Variants in COL27A1 observed in about 807,000 individuals in gnomAD.
COL27A1 encodes the protein collagen type XXVII alpha 1 chain, also known as collagen alpha-1(XXVII) chain.
In COL27A1, 106 loss-of-function variants were observed where a neutral mutation model predicts 251.3. The ratio of observed to expected loss-of-function variants is 0.42; its 90% CI spans 0.36 to 0.50. COL27A1 has a LOEUF of 0.50. Ranked by LOEUF, COL27A1 falls within the 20% of genes least tolerant of loss-of-function variation. COL27A1 has a pLI of 0.00. For missense variants in COL27A1, 2,325 were observed against 2,522.8 expected (o/e 0.92, Z 1.68); for synonymous variants, 1,000 against 986.3 (o/e 1.01, Z -0.26).
chr9:114,277,401 G>C (rs1484964354), intron 37 of COL27A1, among the ~76,000 whole-genome samples: 1 of 152,186 alleles, frequency 6.6e-6, no homozygotes, highest in Non-Finnish European at 1.5e-5. Context: ...CTCAAGCGGA[G>C]AGACTGACGT....
At chr9:114,259,627 A>G (rs1283465803) in intron 28 of COL27A1, among the ~76,000 whole-genome samples, 1 of 152,208 alleles carries the variant, frequency 6.6e-6, no homozygotes, top group East Asian at 1.9e-4. Context: ...TTGCACAGCT[A>G]AAAAGTGGCA....
chr9:114,235,421 C>G (rs540235852), intron 16 of COL27A1, among the ~76,000 whole-genome samples, 178 bp from the exon 17 acceptor site: 5 of 152,208 alleles, frequency 3.3e-5, no homozygotes, highest in Non-Finnish European at 5.9e-5. Flanking sequence ...GCTCACCCCC[C>G]GCCACCGCCT....
chr9:114,207,772 T>A (rs988357886), intron 10 of COL27A1, among the ~76,000 whole-genome samples: 14 of 152,370 alleles, frequency 9.2e-5, no homozygotes, highest in African/African-American at 3.1e-4. Context: ...ATTAGCTAGC[T>A]GTGGGAGCTT....
At position 114,211,008 on chromosome 9, in the gene COL27A1, G is replaced by A; in HGVS notation, c.2349G>A (p.Arg783=). The A allele has an allele frequency of 6.2e-7, 1 of 1,614,228 alleles. No individual in the cohort carries two copies. The highest frequency in any genetic ancestry group is 8.5e-7 in the Non-Finnish European group (1 of 1,180,030). The change falls in exon 12 of 61, where the codon AGG becomes AGA. Residue 783 remains arginine, a synonymous_variant. Transcript: ENST00000356083. Reference sequence around the variant, plus strand: ...GCCTGCCTGGCGTTCCTGGCAAGAGGGGCAAGATGGGTATGCCGGTAAAGA... The same window carrying A: ...GCCTGCCTGGCGTTCCTGGCAAGAGAGGCAAGATGGGTATGCCGGTAAAGA... The part of the protein sequence containing the change: ...ERGLPGVPGK[R]GKMGMPGFPG...
chr9:114,309,605 G>T (rs1829309672), intron 60 of COL27A1, 127 bp downstream of exon 60: 2 of 712,678 alleles, frequency 2.8e-6, no homozygotes, highest in East Asian at 2.8e-5. Flanking sequence ...TAATGTGATA[G>T]ATATGATTTC....
At chr9:114,216,310 C>A (rs1372760039) in intron 12 of COL27A1, among the ~76,000 whole-genome samples, 1 of 152,258 alleles carries the variant, frequency 6.6e-6, no homozygotes, top group Non-Finnish European at 1.5e-5. Flanking sequence ...CAGCCTGCTG[C>A]AGCCAGGAGC....
intron 5 of COL27A1, among the ~76,000 whole-genome samples, chr9:114,183,478 G>C (rs928120826): frequency 2.0e-5 from 3 of 152,162 alleles, no homozygotes; most frequent in Non-Finnish European, 4.4e-5. Flanking sequence ...GGATGAATGC[G>C]GGGTGGGGAA....
intron 13 of COL27A1, among the ~76,000 whole-genome samples, chr9:114,221,510 T>C (rs975043662): frequency 6.6e-6 from 1 of 152,240 alleles, no homozygotes; most frequent in Non-Finnish European, 1.5e-5. Flanking sequence ...AATTACAATG[T>C]CTAGAGCCCT....
chr9:114,240,254 A>G lies in COL27A1; in HGVS notation c.2762A>G (p.Asn921Ser). ...GGAGACATCGGCCCCCCTGGCGACA[A>G]TGGCCCAGAAGGCATGAAGGTGAGT... ...FPGDIGPPGD[N>S]GPEGMKGKPG... The change falls in exon 20 of 61, where the codon AAT becomes AGT. Residue 921 changes from asparagine (N) to serine (S), a missense_variant. Physicochemically the swap from Asn to Ser is conservative, Grantham distance 46 (BLOSUM62 1). This residue lies in a region of COL27A1 where 662 missense variants were observed against 795.3 expected (regional missense o/e 0.83). Coordinates refer to ENST00000356083, the MANE Select transcript of COL27A1 (RefSeq NM_032888.4). 2 of 1,605,294 alleles carry G rather than the reference A, an allele frequency of 1.2e-6. No individual in the cohort carries two copies. Among genetic ancestry groups the G allele is most frequent in the Non-Finnish European group, 1.7e-6 (2 of 1,175,418 alleles).
At chr9:114,269,631 A>AG (rs1431481088) in intron 35 of COL27A1, among the ~76,000 whole-genome samples, 4 of 148,942 alleles carry the variant, frequency 2.7e-5, no homozygotes, top group South Asian at 2.2e-4. Context: ...AAAAAAAAAA[A>AG]AAAAAGAAGA....
intron 4 of COL27A1, among the ~76,000 whole-genome samples, chr9:114,182,229 A>G (rs1178308775): frequency 6.7e-6 from 1 of 150,284 alleles, no homozygotes; most frequent in Non-Finnish European, 1.5e-5. Flanking sequence ...ATAATAAAAT[A>G]ATAAAAATTA....
intron 49 of COL27A1, among the ~76,000 whole-genome samples, chr9:114,293,387 A>G (rs1828046526): frequency 6.6e-6 from 1 of 152,174 alleles, no homozygotes; most frequent in African/African-American, 2.4e-5. Context: ...CTGTTGATAT[A>G]TAGGGAGATC....
chr9:114,195,005 C>T (rs987617770), intron 6 of COL27A1, among the ~76,000 whole-genome samples: 2 of 152,198 alleles, frequency 1.3e-5, no homozygotes, highest in Non-Finnish European at 2.9e-5. Flanking sequence ...AAGCATCCAC[C>T]CCATAAACTG....
rs1002845417 is a variant in COL27A1 at position 114,276,830 on chromosome 9, C to G, written c.3717+1062C>G. 2.0e-5 allele frequency among the ~76,000 whole-genome samples: 3 copies of G among 152,312 alleles called. No individual in the cohort carries two copies. The East Asian group carries it at 5.8e-4, about 29-fold the overall frequency. On this transcript the variant is annotated intron_variant, in intron 37 of 60. Coordinates refer to ENST00000356083, the MANE Select transcript of COL27A1 (RefSeq NM_032888.4). ...CCCTGACTTTGAGGGACATAGAAGC[C>G]AGTAGGGAAGGGAGCAGAATTCTCC...
intron 41 of COL27A1, among the ~76,000 whole-genome samples, chr9:114,287,677 G>T (rs935804578): frequency 6.6e-6 from 1 of 152,080 alleles, no homozygotes; most frequent in Non-Finnish European, 1.5e-5. Context: ...ACCGGGAGGC[G>T]CTCCAGTCCC....
chr9:114,205,881 C>T, intron 9 of COL27A1, 69 bp downstream of exon 9: 4 of 1,432,512 alleles, frequency 2.8e-6, no homozygotes, highest in Non-Finnish European at 3.8e-6. Context: ...TGCCCCGAGG[C>T]AGAGGGAGGT....
Position 114,169,099 on chromosome 9 carries a change from G to C in COL27A1, c.1544G>C (p.Ser515Thr). ...ATMVPPTSGT[S>T]TPRTAPAVPT... ...ATGGTACCTCCAACTTCGGGCACCA[G>C]CACTCCCAGAACAGCACCTGCCGTC... Residue 515 changes from serine to threonine, a missense_variant, in exon 3 of 61, where the codon AGC (serine) becomes ACC (threonine). Transcript: ENST00000356083. The C allele has an allele frequency of 6.2e-7, 1 of 1,614,066 alleles. No homozygotes were observed. The highest frequency in any genetic ancestry group is 1.1e-5 in the South Asian group (1 of 91,080).
intron 28 of COL27A1, among the ~76,000 whole-genome samples, chr9:114,259,176 C>A (rs1197898645): frequency 6.6e-6 from 1 of 152,188 alleles, no homozygotes; most frequent in Admixed American, 6.5e-5. Flanking sequence ...GAAGGTGATA[C>A]AGGAGGTGGA....
At chr9:114,283,832 G>C in intron 40 of COL27A1, 70 bp downstream of exon 40, 2 of 1,506,634 alleles carry the variant, frequency 1.3e-6, no homozygotes, top group Non-Finnish European at 1.8e-6. Flanking sequence ...GCCCATGCCA[G>C]CCTCTGCCCC....
Sources: allele counts gnomAD v4.1 joint callset (sites outside exome capture counted in the v4.1 genomes callset), GRCh38; gene constraint gnomAD v4.1.1; regional missense constraint gnomAD v4.1.1; transcripts MANE v1.5; gene names NCBI Gene and HGNC (gene_info 2026-07-23, HGNC 2026-07-21).